The following SRL variants were observed in gnomAD, a reference collection of about 807,000 sequenced individuals.
SRL encodes sarcalumenin.
SRL carries 23 observed loss-of-function variants against 39.5 expected under a neutral mutation model. The observed-to-expected ratio is 0.58, with a 90% CI of 0.42 to 0.82. The LOEUF (loss-of-function observed/expected upper bound fraction) is 0.82, where lower values mean the gene tolerates loss of function less well. Among genes scored for constraint, SRL ranks in the 40% least tolerant of loss-of-function variants. The pLI is 0.00. For synonymous variants in SRL, 272 were observed against 237.4 expected, an observed-to-expected ratio of 1.15 and a Z score of -1.34; for missense variants, 592 against 607.8, an observed-to-expected ratio of 0.97 and a Z score of 0.27.
chr16:4,190,494 A>G lies in SRL; in HGVS notation c.*1659T>C, dbSNP rs1218110158. 2 of 398,628 alleles carry G rather than the reference A, an allele frequency of 5.0e-6. No individual in the cohort carries two copies. The highest frequency in any genetic ancestry group is 8.8e-6 in the Non-Finnish European group (2 of 226,220). 24.7% of individuals were successfully genotyped at this position (398,628 alleles called of 1,614,324 possible). On this transcript the variant is annotated 3_prime_UTR_variant, in exon 6 of 6. Coordinates refer to ENST00000399609, the MANE Select transcript of SRL (RefSeq NM_001098814.2). ...CATGCACAGACTGTGCACCATGCAC[A>G]TTTCACCATCCAAAGGCTGCTTCTT...
chr16:4,205,692 A>T (rs2052309854), intron 1 of SRL, among the ~76,000 whole-genome samples: 1 of 152,036 alleles, frequency 6.6e-6, no homozygotes, highest in South Asian at 2.1e-4. Flanking sequence ...GGTGCTGGGG[A>T]GCTGCTGAGG....
chr16:4,213,811 C>A (rs1157706054), intron 1 of SRL, among the ~76,000 whole-genome samples: 1 of 152,190 alleles, frequency 6.6e-6, no homozygotes, highest in Non-Finnish European at 1.5e-5. Context: ...TGTGCTTATT[C>A]TTCTCTGATG....
rs190868275 is a variant in SRL at position 4,229,215 on chromosome 16, G to A, written c.61+12792C>T. On this transcript the variant is annotated intron_variant, in intron 1 of 5. Transcript: ENST00000399609. Reference sequence around the variant, plus strand: ...TCCCAGCACTTTGGGAAGCCGAGGCGGGTGGATCACAAGGACAGGAGATCG... The same window carrying A: ...TCCCAGCACTTTGGGAAGCCGAGGCAGGTGGATCACAAGGACAGGAGATCG... Among the ~76,000 whole-genome samples the A allele has an allele frequency of 4.0e-3, 602 of 152,140 alleles. 3 individuals are homozygous for A. The highest frequency in any genetic ancestry group is 0.014 in the African/African-American group (563 of 41,510).
chr16:4,219,380 C>T (rs1413872601), intron 1 of SRL, among the ~76,000 whole-genome samples: 2 of 152,222 alleles, frequency 1.3e-5, no homozygotes, highest in Admixed American at 1.3e-4. Context: ...CCCTATTGTT[C>T]CTACAAAGGA....
chr16:4,209,906 T>A (rs978317709), intron 1 of SRL, among the ~76,000 whole-genome samples: 1 of 152,128 alleles, frequency 6.6e-6, no homozygotes, highest in African/African-American at 2.4e-5. Flanking sequence ...CCAGTCCCTG[T>A]CCAGGCTTCC....
intron 3 of SRL, among the ~76,000 whole-genome samples, chr16:4,202,273 T>C (rs1295801176): frequency 1.3e-5 from 2 of 152,170 alleles, no homozygotes; most frequent in African/African-American, 4.8e-5. Flanking sequence ...ACTATAACGA[T>C]GTGTTTCTCT....
chr16:4,225,066 T>C (rs2052572149), intron 1 of SRL, among the ~76,000 whole-genome samples: 1 of 151,862 alleles, frequency 6.6e-6, no homozygotes, highest in Admixed American at 6.6e-5. Context: ...AGAAAGCAGA[T>C]TAGTGGTTGC....
At chr16:4,213,258 G>T (rs180902168) in intron 1 of SRL, among the ~76,000 whole-genome samples, 1 of 152,030 alleles carries the variant, frequency 6.6e-6, no homozygotes, top group African/African-American at 2.4e-5. Flanking sequence ...GAGAAAGACT[G>T]CAGGGAGATT....
At chr16:4,224,518 C>A (rs1048741912) in intron 1 of SRL, among the ~76,000 whole-genome samples, 4 of 152,018 alleles carry the variant, frequency 2.6e-5, no homozygotes, top group Admixed American at 2.6e-4. Context: ...CCAACCTGGG[C>A]AACAGGGTGA....
intron 1 of SRL, among the ~76,000 whole-genome samples, chr16:4,227,915 C>G (rs2052610732): frequency 6.6e-6 from 1 of 152,182 alleles, no homozygotes; most frequent in South Asian, 2.1e-4. Context: ...GAACTAACTT[C>G]AGGGCAGCTC....
rs937590040 is a variant in SRL at position 4,190,843 on chromosome 16, A to C, written c.*1310T>G. 8 of 180,784 alleles carry C rather than the reference A, an allele frequency of 4.4e-5. No homozygotes were observed. The highest frequency in any genetic ancestry group is 3.8e-4 in the Admixed American group (6 of 15,980). The allele number at this position is 180,784 out of a possible 1,614,324, so 11.2% of individuals were successfully genotyped here. A position where few individuals can be genotyped will look rare whatever the true frequency, so the allele number is the denominator to read the frequency against. On this transcript the variant is annotated 3_prime_UTR_variant, in exon 6 of 6. Transcript: ENST00000399609. The stretch of plus-strand genomic sequence containing the variant: ...TTGATGCATCAGGGAATGGAGAAGA[A>C]AGGAAAGGAAAAGCCATGGTGTGGA...
chr16:4,220,697 G>C (rs1361724851), intron 1 of SRL, among the ~76,000 whole-genome samples: 5 of 152,190 alleles, frequency 3.3e-5, no homozygotes, highest in Non-Finnish European at 7.3e-5. Context: ...GTCACTGAGA[G>C]CCTGGGCTCT....
At chr16:4,221,240 G>C (rs752732627) in intron 1 of SRL, among the ~76,000 whole-genome samples, 136 of 152,140 alleles carry the variant, frequency 8.9e-4, no homozygotes, top group African/African-American at 3.1e-3. Context: ...AGTAGAGATG[G>C]GTTTCACCAT....
chr16:4,242,035 C>T lies in SRL; in HGVS notation c.33G>A (p.Leu11=), dbSNP rs751333043. 6 of 1,613,290 alleles carry T rather than the reference C, an allele frequency of 3.7e-6. No homozygotes were observed. The Admixed American group carries it at 6.7e-5, about 18-fold the overall frequency. ...CTTGTCCTGAGAACAGGAGCGAGGC[C>T]AGGAGGCAGCCGAGCAGGACCAGCG... The part of the protein sequence containing the change: MRALVLLGCL[L]ASLLFSGQAE... The change falls in exon 1 of 6, where the codon CTG becomes CTA. Residue 11 remains leucine, a synonymous_variant. Transcript: ENST00000399609.
rs570752795 is a variant in SRL at position 4,195,450 on chromosome 16, G to T, written c.610+103C>A. ...CGGCCTCAAGGGATCCTCCTGTCTT[G>T]GTCTCCCAAAGAGTTGGGATCACAG... On this transcript the variant is annotated intron_variant, in intron 5 of 5. Coordinates refer to ENST00000399609, the MANE Select transcript of SRL (RefSeq NM_001098814.2). 6 of 1,136,508 alleles carry T rather than the reference G, an allele frequency of 5.3e-6. No homozygotes were observed. In the South Asian group the frequency reaches 5.7e-5, roughly 11 times the overall value. 70.4% of individuals were successfully genotyped at this position (1,136,508 alleles called of 1,614,324 possible).
rs1219177274 is a variant in SRL at position 4,192,774 on chromosome 16, C to G, written c.801G>C (p.Arg267=). 2.5e-6 allele frequency: 4 copies of G among 1,614,158 alleles called. No homozygotes were observed. Among genetic ancestry groups the G allele is most frequent in the Admixed American group, 3.3e-5 (2 of 60,010 alleles). ...AGCTCCAGAAGAGGGCCCCGTAAAC[C>G]CGCATGAGCATTTGGGTGGCCAGAT... ...ADNLATQMLM[R]VYGALFWSLA... is the part of the protein sequence containing the mutation. The change falls in exon 6 of 6, where the codon CGG becomes CGC. Residue 267 remains arginine (R), a synonymous_variant. Transcript: ENST00000399609. This position sits in a 1 kb window ranked among gnomAD's most constrained non-coding sequence, Gnocchi z 4.0.
intron 1 of SRL, among the ~76,000 whole-genome samples, chr16:4,215,915 G>A (rs2052454198): frequency 6.6e-6 from 1 of 152,104 alleles, no homozygotes; most frequent in African/African-American, 2.4e-5. Context: ...GTGCGCCTGT[G>A]GTCCCAGCTA....
At chr16:4,209,656 A>T (rs2052368305) in intron 1 of SRL, among the ~76,000 whole-genome samples, 1 of 152,164 alleles carries the variant, frequency 6.6e-6, no homozygotes, top group African/African-American at 2.4e-5. Context: ...GTTCCCATAG[A>T]CAGCTAGCCT....
At chr16:4,226,961 T>C (rs1401037529) in intron 1 of SRL, among the ~76,000 whole-genome samples, 1 of 148,370 alleles carries the variant, frequency 6.7e-6, no homozygotes, top group African/African-American at 2.5e-5. Context: ...AGTAGATGCA[T>C]GGACGGGTGG....
Sources: allele counts gnomAD v4.1 joint callset (sites outside exome capture counted in the v4.1 genomes callset), GRCh38; gene constraint gnomAD v4.1.1; non-coding constraint Gnocchi (gnomAD v3.1); transcripts MANE v1.5; gene names NCBI Gene and HGNC (gene_info 2026-07-23, HGNC 2026-07-21).